The following SYNE2 variants were observed in gnomAD, a reference collection of about 807,000 sequenced individuals.
SYNE2 encodes nesprin-2.
Under a neutral mutation model 856.3 loss-of-function variants are expected in SYNE2, and 431 were observed. The observed-to-expected ratio is 0.50, with a 90% confidence interval of 0.47 to 0.55. The LOEUF (loss-of-function observed/expected upper bound fraction) is 0.55, where lower values mean the gene tolerates loss of function less well. Among genes scored for constraint, SYNE2 ranks in the 20% least tolerant of loss-of-function variants. The pLI, the probability that SYNE2 is intolerant of heterozygous loss-of-function variation, is 0.00. For synonymous variants in SYNE2, 2,923 were observed against 2,872.3 expected, an observed-to-expected ratio of 1.02 and a Z score of -0.56; for missense variants, 8,129 against 8,023.2, an observed-to-expected ratio of 1.01 and a Z score of -0.50.
At chr14:63,765,077 G>T (rs1269195161) in intron 1 of SYNE2, among the ~76,000 whole-genome samples, 4 of 152,174 alleles carry the variant, frequency 2.6e-5, no homozygotes, top group Non-Finnish European at 4.4e-5. Context: ...AGGAGCCCCT[G>T]AGGAAGGGGC....
In SYNE2 at chr14:64,006,901, A is replaced by C. The variant is rs1021001987; in HGVS notation, c.4398-142A>C. 1.2e-5 allele frequency: 8 copies of C among 691,294 alleles called. No homozygotes were observed. In the African/African-American group the frequency reaches 1.3e-4, roughly 11 times the overall value. 42.8% of individuals were successfully genotyped at this position (691,294 alleles called of 1,614,324 possible). A position where few individuals can be genotyped will look rare whatever the true frequency, so the allele number is the denominator to read the frequency against. Reference sequence around the variant, plus strand: ...TCTGGAAATGCAAAGAGCCTCCTGAACTCTGTAACAGGAATGTGTAATTTT... The same window carrying C: ...TCTGGAAATGCAAAGAGCCTCCTGACCTCTGTAACAGGAATGTGTAATTTT... On this transcript the variant is annotated intron_variant, in intron 30 of 115. Coordinates refer to ENST00000555002, the MANE Select transcript of SYNE2 (RefSeq NM_182914.3).
rs561133640 is a variant in SYNE2, at chr14:63,916,751, A to G, written c.79+7524A>G. Among the ~76,000 whole-genome samples the G allele has an allele frequency of 7.9e-5, 12 of 152,192 alleles. 1 individual carries two copies. In the South Asian group the frequency reaches 2.5e-3, roughly 32 times the overall value. ...TGTTCTACCTTATAACTGTGAGTGAATGAAGCCATGTGAAGTCTTAGGAAG... is the reference window on the plus strand; with the variant it reads ...TGTTCTACCTTATAACTGTGAGTGAGTGAAGCCATGTGAAGTCTTAGGAAG... On this transcript the variant is annotated intron_variant, in intron 2 of 115. Coordinates refer to ENST00000555002, the MANE Select transcript of SYNE2 (RefSeq NM_182914.3).
rs1485537953 is a variant in SYNE2, at chr14:64,181,607, A to C, written c.17556+4124A>C. On this transcript the variant is annotated intron_variant, in intron 96 of 115. Coordinates refer to ENST00000555002, the MANE Select transcript of SYNE2 (RefSeq NM_182914.3). Reference sequence around the variant, plus strand: ...CCATATTCTGAAAAGATCCCAAGTAACCCAAAGCTTGTCCAGGTCAGTGTG... The same window carrying C: ...CCATATTCTGAAAAGATCCCAAGTACCCCAAAGCTTGTCCAGGTCAGTGTG... Among the ~76,000 whole-genome samples, 4 of 152,254 alleles carry C rather than the reference A, an allele frequency of 2.6e-5. No individual in the cohort carries two copies. In the East Asian group the frequency reaches 7.7e-4, roughly 29 times the overall value.
At chr14:64,058,451 A>T (rs1035634285) in intron 49 of SYNE2, among the ~76,000 whole-genome samples, 1 of 151,994 alleles carries the variant, frequency 6.6e-6, no homozygotes, top group African/African-American at 2.4e-5. Flanking sequence ...CTTTCGACCC[A>T]TTATCTCTCC....
intron 13 of SYNE2, 36 bp from the exon 14 acceptor site, chr14:63,978,816 A>G: frequency 6.3e-7 from 1 of 1,578,062 alleles, no homozygotes; most frequent in Non-Finnish European, 8.7e-7. Context: ...GGTCAATAAT[A>G]TTAAGTTAAA....
intron 1 of SYNE2, among the ~76,000 whole-genome samples, chr14:63,885,913 C>T (rs976198722): frequency 2.0e-5 from 3 of 152,182 alleles, no homozygotes; most frequent in Non-Finnish European, 4.4e-5. Context: ...AGATAATAGT[C>T]TAATGAATTC....
At chr14:64,170,610 C>A (rs950706769) in intron 94 of SYNE2, 148 bp downstream of exon 94, 6 of 794,480 alleles carry the variant, frequency 7.6e-6, no homozygotes, top group Non-Finnish European at 1.3e-5. Flanking sequence ...GTCACCACCC[C>A]CCACAGCCCA....
At chr14:63,942,820 G>T (rs2095943957) in intron 6 of SYNE2, among the ~76,000 whole-genome samples, 1 of 152,080 alleles carries the variant, frequency 6.6e-6, no homozygotes, top group Admixed American at 6.5e-5. Flanking sequence ...TTGTAGAGAT[G>T]GGGTTTCATC....
chr14:64,207,998 C>T (rs2098616517), intron 100 of SYNE2: 1 of 455,930 alleles, frequency 2.2e-6, no homozygotes, highest in Non-Finnish European at 4.4e-6. Flanking sequence ...CTGATGATGA[C>T]TAAAAATGCC....
rs186104240 is a variant in SYNE2, at chr14:63,773,975, G to A, written c.-305+11989G>A. Among the ~76,000 whole-genome samples, 87 of 152,276 alleles carry A rather than the reference G, an allele frequency of 5.7e-4. No individual in the cohort carries two copies. In the East Asian group the frequency reaches 0.016, roughly 27 times the overall value. On this transcript the variant is annotated intron_variant, in intron 1 of 23. Transcript: ENST00000674003. ...ATAAAATTATTAATGCTTTGCATTT[G>A]TAAGGCATTTCATGGATTTTCAAGT... is the stretch of plus-strand genomic sequence containing the variant.
intron 99 of SYNE2, among the ~76,000 whole-genome samples, chr14:64,194,887 G>C (rs930500524): frequency 2.0e-5 from 3 of 152,178 alleles, no homozygotes; most frequent in African/African-American, 7.2e-5. Context: ...CCTGCCACCT[G>C]ATCTCACCTA....
intron 1 of SYNE2, among the ~76,000 whole-genome samples, chr14:63,879,946 A>G (rs2094820674): frequency 1.3e-5 from 2 of 152,214 alleles, no homozygotes; most frequent in Admixed American, 6.5e-5. Context: ...CATTAACCAC[A>G]AGTCACATTC....
At chr14:63,941,076 A>G (rs1197603422) in intron 3 of SYNE2, among the ~76,000 whole-genome samples, 1 of 152,254 alleles carries the variant, frequency 6.6e-6, no homozygotes, top group East Asian at 1.9e-4. Context: ...ATAGATAGTA[A>G]TATACCTTTT....
chr14:63,988,344 CTGGGAT>C (rs1349275290), intron 19 of SYNE2, among the ~76,000 whole-genome samples: 3 of 152,218 alleles, frequency 2.0e-5, no homozygotes, highest in Non-Finnish European at 4.4e-5. Flanking sequence ...CCTCAAAGTG[CTGGGAT>C]TGTAGGCGTG....
In SYNE2 at chr14:64,053,260, A is replaced by G. The variant is rs138689053; in HGVS notation, c.9347A>G (p.Lys3116Arg). The change falls in exon 48 of 116, where the codon AAG (lysine) becomes AGG (arginine). Residue 3116 changes from lysine (K) to arginine (R), a missense_variant. Physicochemically the swap from Lys to Arg is conservative, Grantham distance 26. This residue lies in a region of SYNE2 where 5,410 missense variants were observed against 5,284.8 expected (regional missense o/e 1.02). Transcript: ENST00000555002. ...NENKTFDDSF[K>R]EKEILQIKLN... is the part of the protein sequence containing the mutation. The stretch of plus-strand genomic sequence containing the variant: ...AATAAGACCTTTGATGACTCATTCA[A>G]GGAGAAAGAAATACTACAAATAAAG... 1.5e-3 allele frequency: 2,385 copies of G among 1,609,904 alleles called. 42 individuals carry two copies. In the East Asian group the frequency reaches 0.033, roughly 22 times the overall value.
At chr14:64,159,905 G>A (rs1458256054) in intron 87 of SYNE2, among the ~76,000 whole-genome samples, 1 of 152,162 alleles carries the variant, frequency 6.6e-6, no homozygotes, top group Non-Finnish European at 1.5e-5. Context: ...ACTACTTATG[G>A]TGGGATATGA....
rs187886333 is a variant in SYNE2 at position 64,188,141 on chromosome 14, A to G, written c.17713-409A>G. Among the ~76,000 whole-genome samples, 51 of 152,334 alleles carry G rather than the reference A, an allele frequency of 3.3e-4. No homozygotes were observed. In the East Asian group the frequency reaches 8.9e-3, roughly 26 times the overall value. On this transcript the variant is annotated intron_variant, in intron 97 of 115. Transcript: ENST00000555002. ...ATTATAAATGTTTGATTGACATTCTATCTGGATTAATAGTTTTTAAGTTAA... is the reference window on the plus strand; with the variant it reads ...ATTATAAATGTTTGATTGACATTCTGTCTGGATTAATAGTTTTTAAGTTAA...
chr14:63,801,408 A>G (rs1356122835), intron 1 of SYNE2, among the ~76,000 whole-genome samples: 2 of 152,220 alleles, frequency 1.3e-5, no homozygotes, highest in East Asian at 3.8e-4. Flanking sequence ...GTGGTGGCTC[A>G]CGCCTGTAAT....
rs139959852 is a variant in SYNE2 at position 64,113,426 on chromosome 14, C to G, written c.12695C>G (p.Pro4232Arg). ...GAGCCCAGGGTGGAGAAAACTAGGC[C>G]GGAGCCCACAGAAGTCCTGCATGCC... ...GLEPRVEKTR[P>R]EPTEVLHACK... Residue 4232 changes from proline to arginine, a missense_variant, in exon 66 of 116, where the codon CCG becomes CGG. This residue lies in a region of SYNE2 where 5,410 missense variants were observed against 5,284.8 expected (regional missense o/e 1.02). Transcript: ENST00000555002. 1 of 1,614,176 alleles carries G rather than the reference C, an allele frequency of 6.2e-7. No homozygotes were observed. The highest frequency in any genetic ancestry group is 1.1e-5 in the South Asian group (1 of 91,082).
Sources: gnomAD v4.1 joint callset for allele counts (sites outside exome capture counted in the v4.1 genomes callset) on GRCh38, gnomAD v4.1.1 for gene constraint, gnomAD v4.1.1 regional missense constraint, MANE v1.5 for transcripts, NCBI Gene and HGNC (gene_info 2026-07-23, HGNC 2026-07-21) for gene names.